The following SHISA9 variants were observed in gnomAD, a reference collection of about 807,000 sequenced individuals.
SHISA9 encodes the protein shisa family member 9, also known as protein shisa-9.
A neutral mutation model predicts 38.0 loss-of-function variants in SHISA9; 13 were observed. The ratio of observed to expected loss-of-function variants is 0.34; its 90% CI spans 0.22 to 0.54. SHISA9 has a LOEUF of 0.54. SHISA9 is among the 20% of genes least tolerant of loss of function. The probability of loss-of-function intolerance (pLI) is 0.91; values close to 1 mark genes in which losing one functional copy is unlikely to be tolerated. For synonymous variants in SHISA9, 275 were observed against 242.0 expected (o/e 1.14, Z -1.27); for missense variants, 538 against 575.8 (o/e 0.93, Z 0.67).
At chr16:12,992,453 AC>A (rs2072399778) in intron 2 of SHISA9, among the ~76,000 whole-genome samples, 1 of 151,820 alleles carries the variant, frequency 6.6e-6, no homozygotes, top group East Asian at 1.9e-4. Flanking sequence ...AATCGCTTGA[AC>A]CCGGGAGGCA....
At chr16:13,120,829 T>C (rs2050202713) in intron 2 of SHISA9, among the ~76,000 whole-genome samples, 1 of 152,178 alleles carries the variant, frequency 6.6e-6, no homozygotes, top group Non-Finnish European at 1.5e-5. Flanking sequence ...GACAGTCAGA[T>C]TGCTAAGCAC....
chr16:13,466,623 C>G, the SHISA9 span, among the ~76,000 whole-genome samples: 15 of 152,156 alleles, frequency 9.9e-5, no homozygotes, highest in Non-Finnish European at 1.9e-4. Context: ...AGCCACATGA[C>G]CAGTTTCAAA....
the SHISA9 span, chr16:13,458,235 A>G: frequency 4.5e-6 from 1 of 220,914 alleles, no homozygotes; most frequent in South Asian, 6.6e-5. Context: ...ATAACCTCTT[A>G]TGGACACTGA....
the SHISA9 span, among the ~76,000 whole-genome samples, chr16:13,503,070 A>G: frequency 6.6e-6 from 1 of 152,182 alleles, no homozygotes; most frequent in Non-Finnish European, 1.5e-5. Context: ...AAAGGGAAGG[A>G]TATTTAAGCC....
At chr16:13,469,394 A>AAAGAAAGC in the SHISA9 span, among the ~76,000 whole-genome samples, 1 of 124,100 alleles carries the variant, frequency 8.1e-6, no homozygotes, top group Admixed American at 7.5e-5. Flanking sequence ...AGAAAGAAAG[A>AAAGAAAGC]AAGAAAGAAA....
chr16:13,407,072 A>T, the SHISA9 span, among the ~76,000 whole-genome samples: 1 of 59,050 alleles, frequency 1.7e-5, no homozygotes, highest in African/African-American at 6.3e-5. Flanking sequence ...CTGTCTCACA[A>T]AAAAAAAAAA....
chr16:12,999,768 T>C (rs1025459860), intron 2 of SHISA9, among the ~76,000 whole-genome samples: 5 of 152,162 alleles, frequency 3.3e-5, no homozygotes, highest in African/African-American at 4.8e-5. Context: ...AATTAGTGCC[T>C]GAAGGTTGAC....
chr16:13,550,642 A>C, the SHISA9 span, among the ~76,000 whole-genome samples: 1 of 152,216 alleles, frequency 6.6e-6, no homozygotes, highest in East Asian at 1.9e-4. Flanking sequence ...ATACACAAGG[A>C]AGCTTTTAAA....
chr16:13,437,471 G>T, the SHISA9 span, among the ~76,000 whole-genome samples: 3 of 152,116 alleles, frequency 2.0e-5, no homozygotes, highest in Non-Finnish European at 4.4e-5. Flanking sequence ...TGAAAAACTG[G>T]AAGTGGAGAG....
chr16:12,916,874 A>G, intron 2 of SHISA9, 59 bp downstream of exon 2: 1 of 1,517,694 alleles, frequency 6.6e-7, no homozygotes, highest in East Asian at 2.5e-5. Context: ...CAGTGGTCAC[A>G]TTGCCAGATT....
intron 2 of SHISA9, among the ~76,000 whole-genome samples, chr16:13,033,748 A>G (rs1159085060): frequency 1.3e-5 from 2 of 152,126 alleles, no homozygotes; most frequent in African/African-American, 4.8e-5. Flanking sequence ...TGTCCATGAT[A>G]AGGAAGTTCT....
the SHISA9 span, among the ~76,000 whole-genome samples, chr16:13,405,493 T>C: frequency 1.3e-5 from 2 of 152,226 alleles, no homozygotes; most frequent in Non-Finnish European, 1.5e-5. Context: ...ACATTTATTT[T>C]AGGTTTGGGG....
intron 2 of SHISA9, among the ~76,000 whole-genome samples, chr16:13,121,487 A>C (rs1042191459): frequency 6.6e-6 from 1 of 152,162 alleles, no homozygotes; most frequent in African/African-American, 2.4e-5. Flanking sequence ...GCAAGAACCC[A>C]TCTCGAAAAT....
At chr16:13,018,201 A>T (rs2072780437) in intron 2 of SHISA9, among the ~76,000 whole-genome samples, 1 of 152,162 alleles carries the variant, frequency 6.6e-6, no homozygotes, top group Non-Finnish European at 1.5e-5. Context: ...GCACAGCTTC[A>T]CAGTGGGTAG....
At chr16:13,294,394 G>T in the SHISA9 span, among the ~76,000 whole-genome samples, 1 of 152,160 alleles carries the variant, frequency 6.6e-6, no homozygotes, top group Admixed American at 6.5e-5. Flanking sequence ...CCTGCTTCGT[G>T]TATCATTCCT....
chr16:12,913,307 C>T (rs1033471130), intron 1 of SHISA9, among the ~76,000 whole-genome samples: 2 of 152,136 alleles, frequency 1.3e-5, no homozygotes, highest in African/African-American at 2.4e-5. Flanking sequence ...AGCAATTCTC[C>T]TGCCCCAGCC....
At chr16:13,265,885 T>G in the SHISA9 span, among the ~76,000 whole-genome samples, 2 of 152,096 alleles carry the variant, frequency 1.3e-5, no homozygotes, top group African/African-American at 4.8e-5. Context: ...ACATCCCAAG[T>G]GTTCTGGGTA....
intron 2 of SHISA9, among the ~76,000 whole-genome samples, chr16:13,040,073 T>A (rs2073116707): frequency 6.6e-6 from 1 of 152,186 alleles, no homozygotes; most frequent in African/African-American, 2.4e-5. Flanking sequence ...CCTCCCAGAT[T>A]TCCCTGATTT....
intron 2 of SHISA9, among the ~76,000 whole-genome samples, chr16:13,003,889 TAAGAAG>T (rs59904952): frequency 6.0e-4 from 88 of 145,868 alleles, no homozygotes; most frequent in African/African-American, 7.5e-4. Context: ...ATAATAATAA[TAAGAAG>T]AAGAAGAAGA....
Sources: allele counts gnomAD v4.1 joint callset (sites outside exome capture counted in the v4.1 genomes callset), GRCh38; gene constraint gnomAD v4.1.1; transcripts MANE v1.5; gene names NCBI Gene and HGNC (gene_info 2026-07-23, HGNC 2026-07-21).